The following GRID1 variants were observed in gnomAD, a reference collection of about 807,000 sequenced individuals.
The protein encoded by GRID1 is glutamate receptor ionotropic, delta-1.
In GRID1, 28 loss-of-function variants were observed where a neutral mutation model predicts 98.0. The ratio of observed to expected loss-of-function variants is 0.29; its 90% CI spans 0.21 to 0.39. The LOEUF is 0.39. Among genes scored for constraint, GRID1 ranks in the 10% least tolerant of loss-of-function variants. The pLI is 1.00. For synonymous variants in GRID1, 553 were observed against 538.5 expected, an observed-to-expected ratio of 1.03 and a Z score of -0.37; for missense variants, 1,111 against 1,340.5, an observed-to-expected ratio of 0.83 and a Z score of 2.67.
intron 4 of GRID1, among the ~76,000 whole-genome samples, chr10:85,941,909 T>G (rs748869739): frequency 7.9e-5 from 12 of 152,212 alleles, no homozygotes; most frequent in Admixed American, 1.3e-4. Context: ...TTTAACTGCC[T>G]CCTGTCTCCT....
At chr10:86,016,723 T>C (rs1842986309) in intron 4 of GRID1, among the ~76,000 whole-genome samples, 1 of 152,228 alleles carries the variant, frequency 6.6e-6, no homozygotes, top group African/African-American at 2.4e-5. Flanking sequence ...AATAGTCTTA[T>C]ACCACAATTG....
chr10:85,885,854 A>C (rs1231674996), intron 5 of GRID1, among the ~76,000 whole-genome samples: 1 of 152,244 alleles, frequency 6.6e-6, no homozygotes, highest in Non-Finnish European at 1.5e-5. Context: ...GTAAAGATAC[A>C]TGTATAGTAT....
At chr10:85,772,180 A>T (rs1465459495) in intron 8 of GRID1, among the ~76,000 whole-genome samples, 2 of 151,614 alleles carry the variant, frequency 1.3e-5, no homozygotes, top group South Asian at 4.2e-4. Flanking sequence ...ACTCAAAACC[A>T]CTCAACTACA....
intron 8 of GRID1, among the ~76,000 whole-genome samples, chr10:85,743,593 G>C: frequency 6.6e-6 from 1 of 152,082 alleles, no homozygotes; most frequent in East Asian, 1.9e-4. Flanking sequence ...CAAAACTCAA[G>C]AAAACTACTG....
rs145161561 is a variant in GRID1 at position 86,256,598 on chromosome 10, GTCTC to G, written c.236-49954_236-49951del. Among the ~76,000 whole-genome samples, 411 of 151,060 alleles carry G rather than the reference GTCTC, an allele frequency of 2.7e-3. 2 individuals are homozygous for G. The highest frequency in any genetic ancestry group is 8.6e-3 in the South Asian group (41 of 4,776). On this transcript the variant is annotated intron_variant, in intron 2 of 15. Coordinates refer to ENST00000327946, the MANE Select transcript of GRID1 (RefSeq NM_017551.3). ...TCTCCATCCCAAGGGATCTCTCTTT[GTCTC>G]TCTCTCTCTCTCTTCATATATGTAT...
rs566777880 is a variant in GRID1, at chr10:86,309,851, A to G, written c.235+54090T>C. 8.5e-5 allele frequency among the ~76,000 whole-genome samples: 13 copies of G among 152,336 alleles called. No individual in the cohort carries two copies. The South Asian group carries it at 2.7e-3, about 32-fold the overall frequency. On this transcript the variant is annotated intron_variant, in intron 2 of 15. Coordinates refer to ENST00000327946, the MANE Select transcript of GRID1 (RefSeq NM_017551.3). ...CCTCCTACAAAGCCTCACTGCTGGG[A>G]GAGACATCCTAAGAGAGGATGCCAG...
chr10:85,802,885 A>ACACT (rs1554832284), intron 8 of GRID1, among the ~76,000 whole-genome samples: 2 of 146,006 alleles, frequency 1.4e-5, no homozygotes, highest in African/African-American at 5.0e-5. Context: ...ACACACACAC[A>ACACT]CCAAGGAACA....
At chr10:85,779,155 C>T (rs945912781) in intron 8 of GRID1, among the ~76,000 whole-genome samples, 1 of 152,190 alleles carries the variant, frequency 6.6e-6, no homozygotes, top group Non-Finnish European at 1.5e-5. Context: ...AGCTCTGCTG[C>T]CTGTCAAGGA....
chr10:86,205,177 GTATT>G (rs888554511), intron 3 of GRID1, among the ~76,000 whole-genome samples: 1 of 152,252 alleles, frequency 6.6e-6, no homozygotes, highest in African/African-American at 2.4e-5. Flanking sequence ...GAGAAGAAGA[GTATT>G]TAGGCAAATG....
At chr10:86,204,177 CT>C (rs1430759929) in intron 3 of GRID1, among the ~76,000 whole-genome samples, 1 of 152,170 alleles carries the variant, frequency 6.6e-6, no homozygotes, top group Non-Finnish European at 1.5e-5. Flanking sequence ...TCCCTGCTAC[CT>C]CATAGTCAGA....
At chr10:86,113,263 C>A (rs12245958) in intron 4 of GRID1, among the ~76,000 whole-genome samples, 6,429 of 152,210 alleles carry the variant, frequency 0.042, 441 homozygotes, top group African/African-American at 0.15. Context: ...GCCCACATAA[C>A]CCCAGGTGGC....
At chr10:85,689,105 G>A (rs189597266) in intron 12 of GRID1, among the ~76,000 whole-genome samples, 8 of 152,172 alleles carry the variant, frequency 5.3e-5, no homozygotes, top group East Asian at 1.9e-4. Flanking sequence ...AAATGTCTCC[G>A]TCGAGCACGC....
chr10:86,239,961 A>G, intron 2 of GRID1, among the ~76,000 whole-genome samples: 1 of 152,320 alleles, frequency 6.6e-6, no homozygotes, highest in East Asian at 1.9e-4. Flanking sequence ...TGGTGTCCTC[A>G]TAAGAAGAGG....
intron 9 of GRID1, among the ~76,000 whole-genome samples, chr10:85,729,239 C>T (rs1301002073): frequency 6.6e-6 from 1 of 152,116 alleles, no homozygotes; most frequent in African/African-American, 2.4e-5. Context: ...GCAGCTTGGC[C>T]CCCTCTGGTC....
At chr10:86,084,021 G>A (rs1261580699) in intron 4 of GRID1, among the ~76,000 whole-genome samples, 5 of 152,246 alleles carry the variant, frequency 3.3e-5, no homozygotes, top group African/African-American at 1.2e-4. Flanking sequence ...TCTGGTTGTT[G>A]TGCATCCACT....
chr10:85,854,688 G>C, intron 7 of GRID1, 73 bp from the exon 8 acceptor site: 1 of 1,510,264 alleles, frequency 6.6e-7, no homozygotes. Flanking sequence ...GCTAAGAGGA[G>C]CAAGGAAGTG....
At chr10:85,646,125 T>G (rs1437414126) in intron 13 of GRID1, 1 of 153,682 alleles carries the variant, frequency 6.5e-6, no homozygotes, top group Non-Finnish European at 1.4e-5. Context: ...TGTGTGTGTG[T>G]GTGTGTGTGT....
chr10:85,848,870 A>G (rs1190742591), intron 8 of GRID1, among the ~76,000 whole-genome samples: 1 of 152,218 alleles, frequency 6.6e-6, no homozygotes, highest in Non-Finnish European at 1.5e-5. Context: ...AACGGTTGAC[A>G]TTTTACTTTG....
intron 8 of GRID1, among the ~76,000 whole-genome samples, chr10:85,843,923 T>C (rs1842982759): frequency 6.6e-6 from 1 of 152,074 alleles, no homozygotes; most frequent in South Asian, 2.1e-4. Context: ...GACACAGCAA[T>C]TGCACTCTTG....
Sources: gnomAD v4.1 joint callset for allele counts (sites outside exome capture counted in the v4.1 genomes callset) on GRCh38, gnomAD v4.1.1 for gene constraint, MANE v1.5 for transcripts, NCBI Gene and HGNC (gene_info 2026-07-23, HGNC 2026-07-21) for gene names.